ABTB3: variants seen among roughly 807,000 people sequenced by gnomAD.
ABTB3 encodes the protein ankyrin repeat and BTB domain containing 3.
chr12:107,556,095 ATTT>A, the ABTB3 span, among the ~76,000 whole-genome samples: 2 of 139,480 alleles, frequency 1.4e-5, no homozygotes, highest in African/African-American at 2.6e-5. Flanking sequence ...GTCAGCATCA[ATTT>A]TTTTTTTTTT....
the ABTB3 span, among the ~76,000 whole-genome samples, chr12:107,477,485 G>A: frequency 2.0e-5 from 3 of 152,180 alleles, no homozygotes; most frequent in Admixed American, 6.5e-5. Context: ...TTGGAAAGAA[G>A]GTGCTAGAGT....
the ABTB3 span, among the ~76,000 whole-genome samples, chr12:107,595,229 C>T: frequency 2.3e-4 from 35 of 152,280 alleles, no homozygotes; most frequent in African/African-American, 7.9e-4. Context: ...GAAGGTAAGG[C>T]GTTGGGCTGT....
chr12:107,608,492 C>A, the ABTB3 span, among the ~76,000 whole-genome samples: 2 of 152,198 alleles, frequency 1.3e-5, no homozygotes, highest in African/African-American at 4.8e-5. Flanking sequence ...TTTACCCTCA[C>A]ACAACCTGTG....
chr12:107,624,518 C>A, the ABTB3 span, among the ~76,000 whole-genome samples: 1 of 152,158 alleles, frequency 6.6e-6, no homozygotes, highest in African/African-American at 2.4e-5. Flanking sequence ...CACCCTTCAG[C>A]CCCTACCTAG....
At chr12:107,351,004 C>A in the ABTB3 span, among the ~76,000 whole-genome samples, 2 of 151,942 alleles carry the variant, frequency 1.3e-5, no homozygotes, top group Non-Finnish European at 2.9e-5. Context: ...AAGGAGTCAG[C>A]ACTAAGGTCT....
chr12:107,451,575 A>T, the ABTB3 span, among the ~76,000 whole-genome samples: 12 of 152,308 alleles, frequency 7.9e-5, 1 homozygote, highest in African/African-American at 2.9e-4. Context: ...ACCTCGCGGT[A>T]AAGTCTGAGC....
At chr12:107,564,916 G>T in the ABTB3 span, among the ~76,000 whole-genome samples, 1 of 152,226 alleles carries the variant, frequency 6.6e-6, no homozygotes, top group South Asian at 2.1e-4. Context: ...CCCCATGCAG[G>T]AGCCATCTCC....
chr12:107,469,890 CTT>C, the ABTB3 span, among the ~76,000 whole-genome samples: 1 of 103,874 alleles, frequency 9.6e-6, no homozygotes, highest in South Asian at 3.0e-4. Flanking sequence ...TTCTTTCTTT[CTT>C]TCTTTCTTTC....
the ABTB3 span, among the ~76,000 whole-genome samples, chr12:107,412,072 T>C: frequency 6.6e-6 from 1 of 152,206 alleles, no homozygotes; most frequent in Non-Finnish European, 1.5e-5. Context: ...TTAGGAATGG[T>C]GGATCTTATT....
chr12:107,600,186 G>A, the ABTB3 span, among the ~76,000 whole-genome samples: 1 of 152,186 alleles, frequency 6.6e-6, no homozygotes, highest in Non-Finnish European at 1.5e-5. Flanking sequence ...ACAGGTGTGA[G>A]CTGAGGAGTC....
At chr12:107,357,038 GC>G in the ABTB3 span, among the ~76,000 whole-genome samples, 1 of 152,218 alleles carries the variant, frequency 6.6e-6, no homozygotes, top group African/African-American at 2.4e-5. Context: ...CCCTCAAGGA[GC>G]TTAGAGGACC....
At chr12:107,412,499 G>A in the ABTB3 span, among the ~76,000 whole-genome samples, 1,769 of 152,266 alleles carry the variant, frequency 0.012, 21 homozygotes, top group Non-Finnish European at 0.017. Flanking sequence ...CGAGGAACAC[G>A]GAAACGTAGG....
At chr12:107,318,888 C>A in the ABTB3 span, 2 of 1,513,504 alleles carry the variant, frequency 1.3e-6, no homozygotes, top group East Asian at 2.4e-5. Context: ...CGCTGCTCCT[C>A]GCCGCTCCTT....
At chr12:107,618,275 C>T in the ABTB3 span, 15 of 1,613,594 alleles carry the variant, frequency 9.3e-6, no homozygotes, top group South Asian at 3.3e-5. Context: ...CCCCCTTGTG[C>T]GCCAGCCGCA....
chr12:107,626,464 G>A, the ABTB3 span, among the ~76,000 whole-genome samples: 1 of 150,176 alleles, frequency 6.7e-6, no homozygotes, highest in Non-Finnish European at 1.5e-5. Context: ...TCCTGCCTCA[G>A]CATCCAGAGT....
chr12:107,463,157 A>G, the ABTB3 span, among the ~76,000 whole-genome samples: 2 of 150,078 alleles, frequency 1.3e-5, no homozygotes, highest in Non-Finnish European at 3.0e-5. Flanking sequence ...TGTAGTGACA[A>G]TGATGAGGGT....
the ABTB3 span, among the ~76,000 whole-genome samples, chr12:107,470,479 G>T: frequency 6.6e-6 from 1 of 152,074 alleles, no homozygotes; most frequent in South Asian, 2.1e-4. Context: ...CTTCACTCGG[G>T]CCCAGTGTCC....
chr12:107,466,543 C>T, the ABTB3 span, among the ~76,000 whole-genome samples: 1 of 141,180 alleles, frequency 7.1e-6, no homozygotes, highest in Non-Finnish European at 1.6e-5. Context: ...TCAAAAGGAG[C>T]CTGGTTATTA....
the ABTB3 span, among the ~76,000 whole-genome samples, chr12:107,557,011 CA>C: frequency 5.6e-5 from 8 of 143,220 alleles, no homozygotes; most frequent in Middle Eastern, 3.6e-3. Flanking sequence ...GACTCTGTCT[CA>C]AAAAAAAAAG....
Sources: allele counts gnomAD v4.1 joint callset (sites outside exome capture counted in the v4.1 genomes callset), GRCh38; gene constraint gnomAD v4.1.1; transcripts MANE v1.5; gene names NCBI Gene and HGNC (gene_info 2026-07-23, HGNC 2026-07-21).